Variants in NTM observed in about 807,000 individuals in gnomAD.
NTM encodes the protein IgLON family member 2.
NTM carries 13 observed loss-of-function variants against 42.1 expected under a neutral mutation model. The ratio of observed to expected loss-of-function variants is 0.31; its 90% CI spans 0.20 to 0.49. NTM has a LOEUF of 0.49. Ranked by LOEUF, NTM falls within the 20% of genes least tolerant of loss-of-function variation. The pLI is 0.99. For synonymous variants in NTM, 187 were observed against 179.2 expected (o/e 1.04, Z -0.35); for missense variants, 373 against 452.8 (o/e 0.82, Z 1.60).
At chr11:132,117,091 A>G (rs1398105589) in intron 2 of NTM, among the ~76,000 whole-genome samples, 1 of 152,212 alleles carries the variant, frequency 6.6e-6, no homozygotes, top group African/African-American at 2.4e-5. Context: ...ACTCACATTC[A>G]TTTCTAATTC....
At chr11:131,955,729 C>T (rs2061491082) in intron 2 of NTM, among the ~76,000 whole-genome samples, 1 of 139,376 alleles carries the variant, frequency 7.2e-6, no homozygotes, top group South Asian at 2.7e-4. Flanking sequence ...TGGTGCTGTG[C>T]TGTGACTCCA....
chr11:131,715,667 CCCA>C (rs1334205272), intron 1 of NTM, among the ~76,000 whole-genome samples: 1 of 152,164 alleles, frequency 6.6e-6, no homozygotes, highest in Non-Finnish European at 1.5e-5. Context: ...TATCCCCTCC[CCCA>C]GCTTCAGGAA....
In NTM at chr11:132,147,214, TGAGAGA is replaced by T. The variant is rs113704092; in HGVS notation, c.400+721_400+726del. Reference sequence around the variant, plus strand: ...GTGTGTGTGTGTGTGTGTGTGTGTGTGAGAGAGAGAGAGAGAGAGAGAGAGAATATG... The same window carrying T: ...GTGTGTGTGTGTGTGTGTGTGTGTGTGAGAGAGAGAGAGAGAGAGAATATG... On this transcript the variant is annotated intron_variant, in intron 3 of 8. Coordinates refer to ENST00000683400, the MANE Select transcript of NTM (RefSeq NM_001352005.2). 1.2e-3 allele frequency among the ~76,000 whole-genome samples: 145 copies of T among 122,890 alleles called. 2 individuals are homozygous for T. Among genetic ancestry groups the T allele is most frequent in the African/African-American group, 4.4e-3 (133 of 30,160 alleles). The allele number at this position is 122,890 out of a possible 152,430, so 80.6% of individuals were successfully genotyped here.
In NTM at chr11:131,378,100, G is replaced by A. The variant is rs533231331; in HGVS notation, c.82+7212G>A. 1.8e-4 allele frequency among the ~76,000 whole-genome samples: 27 copies of A among 152,188 alleles called. 1 individual carries two copies. The South Asian group carries it at 5.2e-3, about 29-fold the overall frequency. On this transcript the variant is annotated intron_variant, in intron 1 of 8. Coordinates refer to ENST00000683400, the MANE Select transcript of NTM (RefSeq NM_001352005.2). Reference sequence around the variant, plus strand: ...AACTTTATAAAAATACCAATGTCTGGACCCTATCACAGACCAATTAAATCA... The same window carrying A: ...AACTTTATAAAAATACCAATGTCTGAACCCTATCACAGACCAATTAAATCA...
chr11:131,876,605 C>A (rs370431412), intron 1 of NTM, among the ~76,000 whole-genome samples: 1 of 152,160 alleles, frequency 6.6e-6, no homozygotes, highest in Admixed American at 6.5e-5. Flanking sequence ...ATTGGAAGGC[C>A]AGAAGACAAC....
chr11:132,131,508 C>T (rs768537985), intron 2 of NTM, among the ~76,000 whole-genome samples: 5 of 152,240 alleles, frequency 3.3e-5, no homozygotes, highest in South Asian at 2.1e-4. Context: ...AAAGTGCAGC[C>T]TTGTTGGGTC....
At chr11:131,473,032 AAAT>A (rs1424644549) in intron 1 of NTM, among the ~76,000 whole-genome samples, 1 of 152,224 alleles carries the variant, frequency 6.6e-6, no homozygotes, top group Non-Finnish European at 1.5e-5. Flanking sequence ...ATAACAATGA[AAAT>A]AATAGCCAAT....
chr11:131,964,872 G>T (rs926101629), intron 2 of NTM, among the ~76,000 whole-genome samples: 1 of 152,170 alleles, frequency 6.6e-6, no homozygotes, highest in Admixed American at 6.5e-5. Context: ...GGAGAGTTTA[G>T]GTTTTGTGGT....
At chr11:131,885,709 T>A (rs990511001) in intron 1 of NTM, among the ~76,000 whole-genome samples, 2 of 152,286 alleles carry the variant, frequency 1.3e-5, no homozygotes, top group East Asian at 3.9e-4. Flanking sequence ...GAGCTTTTTG[T>A]ACTGAGGCCG....
intron 1 of NTM, among the ~76,000 whole-genome samples, chr11:131,674,494 C>T (rs553536740): frequency 2.6e-5 from 4 of 152,312 alleles, no homozygotes; most frequent in African/African-American, 7.2e-5. Context: ...CTGGGATGCT[C>T]TGGCCTTGAG....
chr11:131,814,776 T>C (rs2092880737), intron 1 of NTM, among the ~76,000 whole-genome samples: 1 of 152,226 alleles, frequency 6.6e-6, no homozygotes, highest in Non-Finnish European at 1.5e-5. Context: ...CCTCTGCAGC[T>C]GCTTTTCATT....
chr11:132,291,979 G>C (rs115775557), intron 4 of NTM, among the ~76,000 whole-genome samples: 46 of 152,254 alleles, frequency 3.0e-4, no homozygotes, highest in African/African-American at 1.1e-3. Context: ...AAGCTTGACT[G>C]TGAAAAGAGG....
chr11:131,515,144 G>A (rs2048734333), intron 1 of NTM, among the ~76,000 whole-genome samples: 1 of 152,056 alleles, frequency 6.6e-6, no homozygotes, highest in African/African-American at 2.4e-5. Context: ...CAAACTCCTG[G>A]GTTCAAGCAG....
chr11:132,054,246 T>C (rs974740904), intron 2 of NTM, among the ~76,000 whole-genome samples: 6 of 152,280 alleles, frequency 3.9e-5, no homozygotes, highest in Admixed American at 1.3e-4. Context: ...CAAAATATTG[T>C]TTCCACAGTG....
At chr11:132,099,572 A>G (rs1264836923) in intron 2 of NTM, among the ~76,000 whole-genome samples, 1 of 152,162 alleles carries the variant, frequency 6.6e-6, no homozygotes, top group Non-Finnish European at 1.5e-5. Flanking sequence ...TGCCCCGGGT[A>G]GGTTATCAGT....
intron 1 of NTM, among the ~76,000 whole-genome samples, chr11:131,902,505 C>T (rs1323213003): frequency 6.6e-6 from 1 of 152,202 alleles, no homozygotes; most frequent in African/African-American, 2.4e-5. Context: ...TCATCCAGTT[C>T]CTGCTTCCCC....
In NTM at chr11:132,201,320, T is replaced by C. The variant is rs77590439; in HGVS notation, c.401-10702T>C. Among the ~76,000 whole-genome samples, 35 of 152,312 alleles carry C rather than the reference T, an allele frequency of 2.3e-4. No homozygotes were observed. In the East Asian group the frequency reaches 6.8e-3, roughly 29 times the overall value. On this transcript the variant is annotated intron_variant, in intron 3 of 8. Coordinates refer to ENST00000683400, the MANE Select transcript of NTM (RefSeq NM_001352005.2). ...GAGAGAAGCAACTAATGGAGTCTGG[T>C]ATATGATAGAAGTGGCAGTCACCAT...
chr11:131,440,119 A>G (rs977723186), intron 1 of NTM, among the ~76,000 whole-genome samples: 2 of 151,416 alleles, frequency 1.3e-5, no homozygotes, highest in Non-Finnish European at 2.9e-5. Flanking sequence ...TATTTTCTAT[A>G]TTTTTTGTTC....
chr11:131,961,389 C>T (rs949832406), intron 2 of NTM, among the ~76,000 whole-genome samples: 5 of 152,156 alleles, frequency 3.3e-5, no homozygotes, highest in Admixed American at 2.0e-4. Context: ...AGAGGCTATT[C>T]CAAAGCTTGG....
Sources: allele counts gnomAD v4.1 joint callset (sites outside exome capture counted in the v4.1 genomes callset), GRCh38; gene constraint gnomAD v4.1.1; transcripts MANE v1.5; gene names NCBI Gene and HGNC (gene_info 2026-07-23, HGNC 2026-07-21).